MTARC2: variants seen among roughly 807,000 people sequenced by gnomAD.
MTARC2 encodes the protein mitochondrial amidoxime reducing component 2.
A neutral mutation model predicts 35.6 loss-of-function variants in MTARC2; 27 were observed. That is an observed-to-expected ratio of 0.76 (90% CI 0.56 to 1.04). The LOEUF (loss-of-function observed/expected upper bound fraction) is 1.04. Ranked by LOEUF, MTARC2 falls within the 50% of genes least tolerant of loss-of-function variation. The probability of loss-of-function intolerance (pLI) is 0.00; values close to 1 mark genes in which losing one functional copy is unlikely to be tolerated. For synonymous variants in MTARC2, 158 were observed against 167.1 expected (o/e 0.95, Z 0.42); for missense variants, 412 against 432.5 (o/e 0.95, Z 0.42).
At chr1:220,755,870 C>T (rs1280009663) in intron 2 of MTARC2, among the ~76,000 whole-genome samples, 2 of 152,164 alleles carry the variant, frequency 1.3e-5, no homozygotes, top group African/African-American at 4.8e-5. Context: ...GTACAATGTG[C>T]TCATCTTTAG....
At chr1:220,770,409 G>A in intron 4 of MTARC2, 3 of 985,402 alleles carry the variant, frequency 3.0e-6, no homozygotes, top group South Asian at 9.4e-5. Context: ...CTTCAGAGAC[G>A]GTGGTGCGCG....
At chr1:220,766,991 ATTAAT>A (rs1395698809) in intron 4 of MTARC2, among the ~76,000 whole-genome samples, 2 of 148,760 alleles carry the variant, frequency 1.3e-5, no homozygotes, top group African/African-American at 2.5e-5. Flanking sequence ...AAAAAAAAAA[ATTAAT>A]TAATTAAAAG....
chr1:220,775,888 T>C (rs1011219589), intron 4 of MTARC2, among the ~76,000 whole-genome samples: 1 of 152,248 alleles, frequency 6.6e-6, no homozygotes, highest in Non-Finnish European at 1.5e-5. Flanking sequence ...TAGTATTCCA[T>C]GGTGTATGTA....
At chr1:220,769,261 T>C (rs1671667457) in intron 4 of MTARC2, among the ~76,000 whole-genome samples, 1 of 152,234 alleles carries the variant, frequency 6.6e-6, no homozygotes. Context: ...GCGAGGTTCC[T>C]TCCGCACAGC....
At chr1:220,771,016 A>C (rs1671729775) in intron 4 of MTARC2, among the ~76,000 whole-genome samples, 1 of 152,152 alleles carries the variant, frequency 6.6e-6, no homozygotes, top group African/African-American at 2.4e-5. Context: ...AGCCTTAGGC[A>C]GTCCAGGCTC....
intron 7 of MTARC2, among the ~76,000 whole-genome samples, chr1:220,782,457 C>G (rs72473905): frequency 0.016 from 2,494 of 152,298 alleles, 43 homozygotes; most frequent in East Asian, 0.056. Context: ...AAATAATGTT[C>G]TCACATTGAT....
chr1:220,764,442 C>T (rs1671526113), intron 4 of MTARC2, among the ~76,000 whole-genome samples: 1 of 152,064 alleles, frequency 6.6e-6, no homozygotes, highest in Non-Finnish European at 1.5e-5. Context: ...TTGCACTGAG[C>T]CTTGTATAAA....
At chr1:220,752,489 C>T (rs143779843) in intron 1 of MTARC2, among the ~76,000 whole-genome samples, 34 of 152,314 alleles carry the variant, frequency 2.2e-4, no homozygotes, top group African/African-American at 6.3e-4. Context: ...TCTGGGCAGA[C>T]ATCCTCAGAT....
chr1:220,748,582 G>T lies in MTARC2; in HGVS notation c.51G>T (p.Arg17=). 6.9e-7 allele frequency: 1 copy of T among 1,456,974 alleles called. No homozygotes were observed. The highest frequency in any genetic ancestry group is 9.0e-7 in the Non-Finnish European group (1 of 1,113,846). 90.3% of individuals were successfully genotyped at this position (1,456,974 alleles called of 1,614,324 possible). The stretch of plus-strand genomic sequence containing the variant: ...TGGCCCGCCTCGGCCTCCCAGCCCG[G>T]CCCTGGCCCAGGTGGCTCGGGGTCG... The part of the protein sequence containing the change: ...SALARLGLPA[R]PWPRWLGVAA... Residue 17 remains arginine (R), a synonymous_variant, in exon 1 of 8, where the codon CGG becomes CGT. Transcript: ENST00000366913.
chr1:220,766,568 T>C (rs1671584717), intron 4 of MTARC2, among the ~76,000 whole-genome samples: 1 of 152,232 alleles, frequency 6.6e-6, no homozygotes, highest in Non-Finnish European at 1.5e-5. Context: ...AACTTTCTTT[T>C]AGGGAATAAA....
chr1:220,766,669 A>T (rs1572304731), intron 4 of MTARC2, among the ~76,000 whole-genome samples: 1 of 151,950 alleles, frequency 6.6e-6, no homozygotes, highest in East Asian at 1.9e-4. Flanking sequence ...GAAAAAAGAC[A>T]CTCTTGTCCC....
intron 4 of MTARC2, among the ~76,000 whole-genome samples, chr1:220,764,774 T>A (rs1189121438): frequency 2.1e-5 from 3 of 145,820 alleles, no homozygotes; most frequent in Non-Finnish European, 3.0e-5. Flanking sequence ...CCTGTGTATT[T>A]AAAAAAAAAA....
At chr1:220,758,130 G>A (rs971079780) in intron 2 of MTARC2, among the ~76,000 whole-genome samples, 1 of 147,788 alleles carries the variant, frequency 6.8e-6, no homozygotes, top group South Asian at 2.2e-4. Context: ...GACTACAGGC[G>A]CACGCCACCA....
chr1:220,749,863 C>G (rs150454138), intron 1 of MTARC2, among the ~76,000 whole-genome samples: 1 of 152,120 alleles, frequency 6.6e-6, no homozygotes, highest in Admixed American at 6.6e-5. Context: ...CTCCAGGACA[C>G]GCGGATGCAC....
rs1671032810 is a variant in MTARC2, at chr1:220,748,368, C to A, written c.-164C>A. On this transcript the variant is annotated 5_prime_UTR_variant, in exon 1 of 8. Transcript: ENST00000366913. ...ACCGCATTAAGGCATTCCCGCTCTC[C>A]GCGGAACTGCTCTGCCGTCTCGGCG... 4 of 687,856 alleles carry A rather than the reference C, an allele frequency of 5.8e-6. No individual in the cohort carries two copies. Among genetic ancestry groups the A allele is most frequent in the African/African-American group, 1.9e-5 (1 of 53,000 alleles). 42.6% of individuals were successfully genotyped at this position (687,856 alleles called of 1,614,324 possible).
chr1:220,775,361 A>G (rs58438675), intron 4 of MTARC2, among the ~76,000 whole-genome samples: 16,658 of 151,956 alleles, frequency 0.11, 1,449 homozygotes, highest in East Asian at 0.24. Context: ...TGAAAACTCC[A>G]TAGTTTTATC....
rs143387283 is a variant in MTARC2, at chr1:220,774,954, C to CGT, written c.751-5047_751-5046dup. 8.1e-3 allele frequency among the ~76,000 whole-genome samples: 1,209 copies of CGT among 150,176 alleles called. 12 individuals are homozygous for CGT. The highest frequency in any genetic ancestry group is 0.012 in the Non-Finnish European group (821 of 67,372). ...GTGTCTATATAGACCCGTGTGTGTGCGTGTGTGTGTGTGTGTGTACACACA... is the reference window on the plus strand; with the variant it reads ...GTGTCTATATAGACCCGTGTGTGTGCGTGTGTGTGTGTGTGTGTGTACACACA... On this transcript the variant is annotated intron_variant, in intron 4 of 7. Coordinates refer to ENST00000366913, the MANE Select transcript of MTARC2 (RefSeq NM_017898.5).
intron 1 of MTARC2, among the ~76,000 whole-genome samples, chr1:220,752,163 C>T (rs909678757): frequency 3.9e-5 from 6 of 152,118 alleles, no homozygotes; most frequent in Non-Finnish European, 8.8e-5. Flanking sequence ...ACAGGCCAGG[C>T]TGTGAGCCAC....
intron 4 of MTARC2, among the ~76,000 whole-genome samples, chr1:220,767,896 A>G (rs1049001971): frequency 7.2e-5 from 11 of 152,218 alleles, no homozygotes; most frequent in Admixed American, 1.3e-4. Flanking sequence ...TGAGAAACAC[A>G]GTTTTTGTAA....
Sources: allele counts gnomAD v4.1 joint callset (sites outside exome capture counted in the v4.1 genomes callset), GRCh38; gene constraint gnomAD v4.1.1; transcripts MANE v1.5; gene names NCBI Gene and HGNC (gene_info 2026-07-23, HGNC 2026-07-21).